Variants in NTAQ1 observed in about 807,000 individuals in gnomAD.
The protein encoded by NTAQ1 is N-terminal glutamine amidase 1.
NTAQ1 carries 21 observed loss-of-function variants against 28.2 expected under a neutral mutation model. The ratio of observed to expected loss-of-function variants is 0.74; its 90% confidence interval spans 0.53 to 1.07. The LOEUF is 1.07. Among genes scored for constraint, NTAQ1 ranks in the 50% least tolerant of loss-of-function variants. NTAQ1 has a pLI of 0.00. For synonymous variants in NTAQ1, 105 were observed against 90.0 expected, an observed-to-expected ratio of 1.17 and a Z score of -0.94; for missense variants, 264 against 256.6, an observed-to-expected ratio of 1.03 and a Z score of -0.20.
downstream of NTAQ1, among the ~76,000 whole-genome samples, chr8:123,474,534 G>A (rs1266415036): frequency 2.0e-5 from 3 of 152,154 alleles, no homozygotes; most frequent in African/African-American, 7.2e-5. Context: ...GGTTAAAGTG[G>A]TGTCTTCCAG....
At chr8:123,437,558 C>T (rs563826427) in intron 5 of NTAQ1, among the ~76,000 whole-genome samples, 1 of 152,110 alleles carries the variant, frequency 6.6e-6, no homozygotes, top group African/African-American at 2.4e-5. Context: ...AAAAAATTAG[C>T]CAGGTGTGGT....
exon 7 of NTAQ1, among the ~76,000 whole-genome samples, chr8:123,467,499 A>T (rs527245149): frequency 3.0e-4 from 46 of 152,370 alleles, no homozygotes; most frequent in Admixed American, 9.1e-4. Context: ...AAGTGTTTTC[A>T]TAAAATAATT....
downstream of NTAQ1, among the ~76,000 whole-genome samples, chr8:123,474,868 T>A (rs1289941255): frequency 1.3e-5 from 2 of 152,134 alleles, no homozygotes; most frequent in Non-Finnish European, 2.9e-5. Context: ...GCCTGGGGGA[T>A]AAGAGCAAAA....
At chr8:123,458,201 G>C (rs1204576637) in intron 6 of NTAQ1, among the ~76,000 whole-genome samples, 2 of 146,052 alleles carry the variant, frequency 1.4e-5, no homozygotes, top group Non-Finnish European at 3.0e-5. Context: ...CTCCCAAAGT[G>C]CTGGGACTAC....
chr8:123,417,233 GC>G (rs776858953), intron 1 of NTAQ1, among the ~76,000 whole-genome samples: 165 of 152,322 alleles, frequency 1.1e-3, no homozygotes, highest in Non-Finnish European at 2.1e-3. Context: ...GAAGGGTGGA[GC>G]TCTGAAAATC....
At chr8:123,426,117 G>A (rs1289114926) in intron 1 of NTAQ1, among the ~76,000 whole-genome samples, 1 of 152,212 alleles carries the variant, frequency 6.6e-6, no homozygotes, top group Non-Finnish European at 1.5e-5. Context: ...GCAAAGGTGC[G>A]TGTATCTTAC....
downstream of NTAQ1, among the ~76,000 whole-genome samples, chr8:123,444,541 C>T (rs1270080285): frequency 6.6e-6 from 1 of 152,170 alleles, no homozygotes; most frequent in South Asian, 2.1e-4. Context: ...GAGTCTCGCT[C>T]TATCGCCCAG....
intron 1 of NTAQ1, among the ~76,000 whole-genome samples, chr8:123,419,230 C>T (rs1813517332): frequency 6.6e-6 from 1 of 152,066 alleles, no homozygotes; most frequent in Admixed American, 6.6e-5. Flanking sequence ...TCCTGAGTAG[C>T]TGGGACTACA....
At chr8:123,454,426 T>C (rs1815589724) in intron 6 of NTAQ1, among the ~76,000 whole-genome samples, 1 of 152,158 alleles carries the variant, frequency 6.6e-6, no homozygotes, top group South Asian at 2.1e-4. Context: ...TGGAGTGCAA[T>C]GGTGCGATCT....
At chr8:123,434,997 T>C (rs930956620) in intron 3 of NTAQ1, among the ~76,000 whole-genome samples, 1 of 152,218 alleles carries the variant, frequency 6.6e-6, no homozygotes, top group East Asian at 1.9e-4. Flanking sequence ...TTAAGTATTG[T>C]TCTTACCTCA....
intron 1 of NTAQ1, 130 bp downstream of exon 1, chr8:123,417,062 C>A: frequency 2.2e-6 from 2 of 912,318 alleles, no homozygotes; most frequent in Non-Finnish European, 3.0e-6. Context: ...TACAGTTTTG[C>A]GGGAGGAGGG....
chr8:123,443,601 C>T (rs1815161452), downstream of NTAQ1, among the ~76,000 whole-genome samples: 1 of 152,088 alleles, frequency 6.6e-6, no homozygotes, highest in South Asian at 2.1e-4. Context: ...TTTTGAGACT[C>T]TCTTGCTCTG....
rs765466550 is a variant in NTAQ1, at chr8:123,437,298, G to T, written c.472G>T (p.Glu158Ter). The T allele has an allele frequency of 5.9e-5, 95 of 1,614,140 alleles. No individual in the cohort carries two copies. Among genetic ancestry groups the T allele is most frequent in the Middle Eastern group, 1.6e-4 (1 of 6,062 alleles). ...HMKDSSGNWR[E>*]PPPPYPCIET... The stretch of plus-strand genomic sequence containing the variant: ...GAAAGACTCCAGTGGGAATTGGAGA[G>T]AGCCTCCGCCGCCATATCCCTGCAT... The change falls in exon 5 of 6, where the codon GAG becomes TAG. Residue 158 changes from glutamate (E) to a stop codon, truncating the protein, a stop_gained. Coordinates refer to ENST00000287387, the MANE Select transcript of NTAQ1 (RefSeq NM_018024.3). LOFTEE classifies it high-confidence loss of function.
At chr8:123,419,253 C>G (rs1339501227) in intron 1 of NTAQ1, among the ~76,000 whole-genome samples, 2 of 152,070 alleles carry the variant, frequency 1.3e-5, no homozygotes, top group East Asian at 3.8e-4. Context: ...CACCCACCAC[C>G]ATGCCCAGCT....
chr8:123,466,929 A>G (rs1374552827), intron 6 of NTAQ1: 1 of 152,140 alleles, frequency 6.6e-6, no homozygotes, highest in Admixed American at 6.5e-5. Flanking sequence ...TCTTCTATAT[A>G]TAAGTTCTTT....
rs546932484 is a variant in NTAQ1, at chr8:123,463,319, A to G, written c.373-3760A>G. Among the ~76,000 whole-genome samples, 3 of 152,218 alleles carry G rather than the reference A, an allele frequency of 2.0e-5. No individual in the cohort carries two copies. The South Asian group carries it at 6.2e-4, about 32-fold the overall frequency. ...TCAAACTTCTCCAGATATCCCCAAG[A>G]TGTTCTTTATTGCTTTTTTTGGTTT... On this transcript the variant is annotated intron_variant, in intron 6 of 6. Transcript: ENST00000650311.
At chr8:123,473,236 A>T (rs76621537), downstream of NTAQ1, among the ~76,000 whole-genome samples, 2,618 of 152,138 alleles carry the variant, frequency 0.017, 70 homozygotes, top group African/African-American at 0.059. Flanking sequence ...GTAGAAAATC[A>T]TTTAGAAAGT....
downstream of NTAQ1, among the ~76,000 whole-genome samples, chr8:123,443,923 T>C (rs1037587748): frequency 6.6e-6 from 1 of 152,162 alleles, no homozygotes. Context: ...CTTCAGCTTG[T>C]GCGAGCTGGA....
intron 6 of NTAQ1, among the ~76,000 whole-genome samples, chr8:123,461,378 A>G (rs1013664880): frequency 3.3e-5 from 5 of 152,242 alleles, no homozygotes; most frequent in Middle Eastern, 6.8e-3. Flanking sequence ...CACCTACCAA[A>G]TAAACAACTT....
Sources: allele counts gnomAD v4.1 joint callset (sites outside exome capture counted in the v4.1 genomes callset), GRCh38; gene constraint gnomAD v4.1.1; transcripts MANE v1.5; gene names NCBI Gene and HGNC (gene_info 2026-07-23, HGNC 2026-07-21).